The following RTN4 variants were observed in gnomAD, a reference collection of about 807,000 sequenced individuals.
The protein encoded by RTN4 is reticulon-4.
In RTN4, 32 loss-of-function variants were observed where a neutral mutation model predicts 90.4. The ratio of observed to expected loss-of-function variants is 0.35; its 90% confidence interval spans 0.27 to 0.48. The LOEUF is 0.48. Among genes scored for constraint, RTN4 ranks in the 20% least tolerant of loss-of-function variants. The probability of loss-of-function intolerance (pLI) is 0.99; values close to 1 mark genes in which losing one functional copy is unlikely to be tolerated. For missense variants in RTN4, 1,706 were observed against 1,430.2 expected, an observed-to-expected ratio of 1.19 and a Z score of -3.11; for synonymous variants, 629 against 552.5, an observed-to-expected ratio of 1.14 and a Z score of -1.94.
intron 1 of RTN4, among the ~76,000 whole-genome samples, chr2:55,103,230 A>G (rs1229847221): frequency 6.6e-6 from 1 of 152,096 alleles, no homozygotes; most frequent in East Asian, 1.9e-4. Flanking sequence ...AGAAACAGAA[A>G]GATACTGTAT....
chr2:55,135,677 A>T, the RTN4 span, among the ~76,000 whole-genome samples: 2 of 152,334 alleles, frequency 1.3e-5, no homozygotes, highest in East Asian at 3.9e-4. Flanking sequence ...CATCACAATT[A>T]AGATAATGAA....
At chr2:55,068,639 T>C (rs958574462) in intron 2 of RTN4, among the ~76,000 whole-genome samples, 1 of 121,860 alleles carries the variant, frequency 8.2e-6, no homozygotes, top group Non-Finnish European at 1.6e-5. Context: ...TGTCTGCCAG[T>C]CGCTCTTTCA....
intron 3 of RTN4, among the ~76,000 whole-genome samples, chr2:55,002,845 A>C (rs1679942628): frequency 6.6e-6 from 1 of 152,204 alleles, no homozygotes; most frequent in Non-Finnish European, 1.5e-5. Flanking sequence ...TGTATTTCTG[A>C]TACATGTTGA....
At chr2:55,037,539 A>C (rs1172648556) in intron 1 of RTN4, among the ~76,000 whole-genome samples, 5 of 152,164 alleles carry the variant, frequency 3.3e-5, no homozygotes, top group Admixed American at 3.3e-4. Context: ...TGTGAAATGG[A>C]GCTGAGGGAA....
chr2:55,027,568 T>C (rs1482216466), intron 2 of RTN4, 83 bp from the exon 3 acceptor site: 7 of 1,402,924 alleles, frequency 5.0e-6, no homozygotes, highest in East Asian at 2.3e-5. Flanking sequence ...TCCAAAATAG[T>C]GTTAGTAAAG....
chr2:55,058,877 A>T (rs115349839), intron 2 of RTN4, among the ~76,000 whole-genome samples: 4,413 of 141,076 alleles, frequency 0.031, 192 homozygotes, highest in African/African-American at 0.1. Context: ...TTTTTTTTTT[A>T]AATTATAATA....
chr2:55,108,432 G>A (rs969336600), intron 1 of RTN4, among the ~76,000 whole-genome samples: 1 of 152,032 alleles, frequency 6.6e-6, no homozygotes, highest in African/African-American at 2.4e-5. Flanking sequence ...CTCCAGCATC[G>A]GGGATGGGCC....
At chr2:55,062,526 G>A (rs1668319599) in intron 2 of RTN4, among the ~76,000 whole-genome samples, 1 of 152,134 alleles carries the variant, frequency 6.6e-6, no homozygotes, top group Non-Finnish European at 1.5e-5. Context: ...CCTGAGAGGG[G>A]GACAAGGGAA....
chr2:55,012,199 G>C (rs547401932), intron 3 of RTN4, among the ~76,000 whole-genome samples: 17 of 152,178 alleles, frequency 1.1e-4, no homozygotes, highest in Admixed American at 4.6e-4. Flanking sequence ...ATCTTCCGTG[G>C]TACTTGATTT....
At chr2:55,114,016 A>C (rs1172753731), upstream of RTN4, among the ~76,000 whole-genome samples, 1 of 152,202 alleles carries the variant, frequency 6.6e-6, no homozygotes, top group Non-Finnish European at 1.5e-5. Flanking sequence ...TGCTTTGGAA[A>C]CCATGAATTT....
At chr2:55,117,435 G>C (rs2105074488), upstream of RTN4, among the ~76,000 whole-genome samples, 1 of 152,326 alleles carries the variant, frequency 6.6e-6, no homozygotes, top group African/African-American at 2.4e-5. Flanking sequence ...CCCTGGAGCA[G>C]CAAGTCCCAA....
chr2:55,126,060 C>CA, the RTN4 span, among the ~76,000 whole-genome samples: 13,720 of 61,776 alleles, frequency 0.22, 1,359 homozygotes, highest in South Asian at 0.32. Context: ...GACTCCGTCT[C>CA]AAAAAAAAAA....
intron 2 of RTN4, among the ~76,000 whole-genome samples, chr2:55,058,059 GT>G (rs991660529): frequency 2.0e-5 from 3 of 152,270 alleles, no homozygotes; most frequent in African/African-American, 7.2e-5. Flanking sequence ...AACTAGGATG[GT>G]GGGACTGGAA....
At chr2:55,008,142 A>AACACACACACACACACACAC (rs200633765) in intron 3 of RTN4, among the ~76,000 whole-genome samples, 20 of 145,116 alleles carry the variant, frequency 1.4e-4, no homozygotes, top group Middle Eastern at 3.4e-3. Flanking sequence ...TCGGCAAGCA[A>AACACACACACACACACACAC]ACACACACAC....
intron 3 of RTN4, among the ~76,000 whole-genome samples, chr2:54,992,836 G>T (rs922815057): frequency 2.0e-5 from 3 of 151,994 alleles, no homozygotes; most frequent in African/African-American, 7.2e-5. Flanking sequence ...TTAGAAGGCC[G>T]AGGCAGGTGG....
At chr2:55,124,169 C>CTGATGAACT in the RTN4 span, among the ~76,000 whole-genome samples, 1 of 152,214 alleles carries the variant, frequency 6.6e-6, no homozygotes, top group Admixed American at 6.5e-5. Flanking sequence ...GTATCCTTCT[C>CTGATGAACT]TGATGAACTT....
chr2:54,985,808 A>C (rs1678515305), intron 4 of RTN4, among the ~76,000 whole-genome samples: 1 of 152,238 alleles, frequency 6.6e-6, no homozygotes, highest in African/African-American at 2.4e-5. Context: ...AGGTAGGTAC[A>C]TAGTCATATG....
At chr2:54,997,025 A>G (rs1032700440) in intron 3 of RTN4, among the ~76,000 whole-genome samples, 1 of 152,252 alleles carries the variant, frequency 6.6e-6, no homozygotes, top group Non-Finnish European at 1.5e-5. Context: ...AGAAGAAAAA[A>G]GATAAATTGG....
chr2:55,099,737 T>A (rs1667818416), intron 1 of RTN4, among the ~76,000 whole-genome samples: 1 of 152,064 alleles, frequency 6.6e-6, no homozygotes, highest in Non-Finnish European at 1.5e-5. Flanking sequence ...CGGTGCCAGT[T>A]TACCAACTTA....
Sources: gnomAD v4.1 joint callset for allele counts (sites outside exome capture counted in the v4.1 genomes callset) on GRCh38, gnomAD v4.1.1 for gene constraint, MANE v1.5 for transcripts, NCBI Gene and HGNC (gene_info 2026-07-23, HGNC 2026-07-21) for gene names.